Variants in CAST observed in about 807,000 individuals in gnomAD.
The protein encoded by CAST is MIR583 host.
In CAST, 76 loss-of-function variants were observed where a neutral mutation model predicts 119.6. The ratio of observed to expected loss-of-function variants is 0.64; its 90% CI spans 0.53 to 0.77. The LOEUF (loss-of-function observed/expected upper bound fraction) is 0.77, where lower values mean the gene tolerates loss of function less well. Ranked by LOEUF, CAST falls within the 30% of genes least tolerant of loss-of-function variation. CAST has a pLI of 0.00. For synonymous variants in CAST, 319 were observed against 331.6 expected (o/e 0.96, Z 0.41); for missense variants, 953 against 946.5 (o/e 1.01, Z -0.09).
At chr5:96,010,417 T>C in the CAST span, among the ~76,000 whole-genome samples, 1 of 152,198 alleles carries the variant, frequency 6.6e-6, no homozygotes, top group Non-Finnish European at 1.5e-5. Flanking sequence ...GTTCAAGTGA[T>C]TCTTGTGCCT....
the CAST span, among the ~76,000 whole-genome samples, chr5:96,441,828 A>G: frequency 1.3e-5 from 2 of 152,168 alleles, no homozygotes; most frequent in African/African-American, 4.8e-5. Context: ...TATTAGAAAC[A>G]GCCTTTCTGT....
chr5:96,603,874 C>T (rs1747205852), intron 1 of CAST, among the ~76,000 whole-genome samples: 1 of 149,892 alleles, frequency 6.7e-6, no homozygotes, highest in Non-Finnish European at 1.5e-5. Flanking sequence ...AACAATCCTT[C>T]CGTCTCAGCC....
the CAST span, among the ~76,000 whole-genome samples, chr5:96,091,507 T>TTA: frequency 1.7e-4 from 22 of 131,582 alleles, no homozygotes; most frequent in African/African-American, 6.4e-4. Flanking sequence ...GCCTGGCCTT[T>TTA]TTTTTTTTTT....
At chr5:96,596,633 A>C (rs1747055128) in intron 1 of CAST, among the ~76,000 whole-genome samples, 1 of 152,178 alleles carries the variant, frequency 6.6e-6, no homozygotes, top group South Asian at 2.1e-4. Context: ...AATGTAGCCA[A>C]GCATATGAGG....
intron 16 of CAST, chr5:96,743,724 C>T: frequency 6.2e-7 from 1 of 1,605,692 alleles, no homozygotes; most frequent in Non-Finnish European, 8.5e-7. Flanking sequence ...GCAAGAGAAG[C>T]AGTTCGTATC....
the CAST span, among the ~76,000 whole-genome samples, chr5:96,106,306 C>T: frequency 1.1e-4 from 16 of 152,112 alleles, no homozygotes; most frequent in Admixed American, 4.6e-4. Context: ...TTCTTTTAAT[C>T]GTGATGTTAG....
the CAST span, among the ~76,000 whole-genome samples, chr5:96,480,303 A>T: frequency 6.6e-6 from 1 of 152,148 alleles, no homozygotes; most frequent in Admixed American, 6.6e-5. Context: ...ACAGAAAATA[A>T]GTACAATGTA....
the CAST span, among the ~76,000 whole-genome samples, chr5:96,004,270 A>G: frequency 6.6e-6 from 1 of 152,092 alleles, no homozygotes; most frequent in Non-Finnish European, 1.5e-5. Context: ...GATACATTAT[A>G]TACAGAATTT....
At chr5:96,412,509 A>G in the CAST span, 1 of 1,608,952 alleles carries the variant, frequency 6.2e-7, no homozygotes, top group Non-Finnish European at 8.5e-7. Flanking sequence ...CAAAATAAAC[A>G]AAGACACACA....
At chr5:96,562,187 G>GCACA (rs3064111) in intron 1 of CAST, among the ~76,000 whole-genome samples, 6,330 of 149,650 alleles carry the variant, frequency 0.042, 216 homozygotes, top group African/African-American at 0.09. Context: ...AACTTTTCAT[G>GCACA]CACACACACA....
At chr5:96,404,463 G>A in the CAST span, among the ~76,000 whole-genome samples, 1 of 152,168 alleles carries the variant, frequency 6.6e-6, no homozygotes, top group Non-Finnish European at 1.5e-5. Flanking sequence ...GTATTTCTTT[G>A]TGCATATTCA....
At chr5:96,191,302 C>G in the CAST span, among the ~76,000 whole-genome samples, 1 of 152,288 alleles carries the variant, frequency 6.6e-6, no homozygotes, top group African/African-American at 2.4e-5. Context: ...GACTATATGT[C>G]CCAATATTAA....
chr5:96,002,611 G>A, the CAST span, among the ~76,000 whole-genome samples: 1 of 152,082 alleles, frequency 6.6e-6, no homozygotes, highest in Non-Finnish European at 1.5e-5. Context: ...GACTGGCCTG[G>A]GGACTGTCTT....
At chr5:96,387,677 G>A in the CAST span, among the ~76,000 whole-genome samples, 37,254 of 152,086 alleles carry the variant, frequency 0.24, 4,830 homozygotes, top group East Asian at 0.31. Flanking sequence ...CTATGAACTG[G>A]AAATTATGCA....
At chr5:96,461,316 A>T in the CAST span, among the ~76,000 whole-genome samples, 757 of 152,284 alleles carry the variant, frequency 5.0e-3, 7 homozygotes, top group Non-Finnish European at 8.0e-3. Flanking sequence ...TAATGCTACT[A>T]TGAACATGTG....
the CAST span, among the ~76,000 whole-genome samples, chr5:96,208,299 A>G: frequency 6.6e-6 from 1 of 150,700 alleles, no homozygotes; most frequent in Non-Finnish European, 1.5e-5. Flanking sequence ...GATCTTTTGT[A>G]TGCTTTTCTG....
upstream of CAST, among the ~76,000 whole-genome samples, chr5:96,657,684 T>C (rs1367826351): frequency 6.6e-6 from 1 of 152,164 alleles, no homozygotes. Flanking sequence ...AATTTCTATA[T>C]AGAAAATTAA....
chr5:96,512,814 T>A, the CAST span, among the ~76,000 whole-genome samples: 1 of 152,222 alleles, frequency 6.6e-6, no homozygotes, highest in African/African-American at 2.4e-5. Context: ...GTATGAATAA[T>A]CATGAAAGAG....
At chr5:95,994,658 C>T in the CAST span, among the ~76,000 whole-genome samples, 1 of 151,834 alleles carries the variant, frequency 6.6e-6, no homozygotes, top group South Asian at 2.1e-4. Flanking sequence ...GAATTTGAGA[C>T]TGAAATTAAT....
Sources: allele counts gnomAD v4.1 joint callset (sites outside exome capture counted in the v4.1 genomes callset), GRCh38; gene constraint gnomAD v4.1.1; transcripts MANE v1.5; gene names NCBI Gene and HGNC (gene_info 2026-07-23, HGNC 2026-07-21).